ASB5: variants seen among roughly 807,000 people sequenced by gnomAD.
ASB5 encodes the protein ankyrin repeat and SOCS box protein 5.
In ASB5, 45 loss-of-function variants were observed where a neutral mutation model predicts 42.1. The ratio of observed to expected loss-of-function variants is 1.07; its 90% CI spans 0.84 to 1.37. ASB5 has a LOEUF of 1.37. Among genes scored for constraint, ASB5 ranks in the 40% most tolerant of loss-of-function variants. The probability of loss-of-function intolerance (pLI) is 0.00; values close to 1 mark genes in which losing one functional copy is unlikely to be tolerated. For synonymous variants in ASB5, 147 were observed against 150.6 expected (o/e 0.98, Z 0.18); for missense variants, 402 against 399.8 (o/e 1.01, Z -0.05).
chr4:176,216,772 G>C (rs1346107211), intron 6 of ASB5, 46 bp downstream of exon 6: 1 of 1,450,502 alleles, frequency 6.9e-7, no homozygotes. Flanking sequence ...TCTATTTTAG[G>C]CAAATATATT....
At chr4:176,275,596 G>T (rs910671008) in intron 2 of ASB5, among the ~76,000 whole-genome samples, 1 of 152,238 alleles carries the variant, frequency 6.6e-6, no homozygotes, top group East Asian at 1.9e-4. Context: ...AGCTCCCTAC[G>T]ATCCCATAGA....
chr4:176,221,259 G>T lies in ASB5; in HGVS notation c.566C>A (p.Ser189Tyr). 1.2e-6 allele frequency: 2 copies of T among 1,614,114 alleles called. No homozygotes were observed. Among genetic ancestry groups the T allele is most frequent in the Non-Finnish European group, 1.7e-6 (2 of 1,180,024 alleles). ...GHHECLDILI[S>Y]WGIDVDQEIP... ...TTCTTGGTCAACATCTATGCCCCAGGATATCAGGATGTCAAGACATTCATG... is the reference window on the plus strand; with the variant it reads ...TTCTTGGTCAACATCTATGCCCCAGTATATCAGGATGTCAAGACATTCATG... Residue 189 changes from serine (S) to tyrosine (Y), a missense_variant, in exon 5 of 7, where the codon TCC (serine) becomes TAC (tyrosine). Physicochemically the swap from Ser to Tyr is moderately radical, Grantham distance 144. Coordinates refer to ENST00000296525, the MANE Select transcript of ASB5 (RefSeq NM_080874.4).
chr4:176,269,369 C>T (rs1011643117), upstream of ASB5: 8 of 328,646 alleles, frequency 2.4e-5, no homozygotes, highest in East Asian at 4.9e-5. Flanking sequence ...GACACTCCAC[C>T]TCTGTGCTCC....
chr4:176,234,397 A>T (rs534055302), intron 1 of ASB5, among the ~76,000 whole-genome samples: 2 of 152,088 alleles, frequency 1.3e-5, no homozygotes, highest in Non-Finnish European at 2.9e-5. Context: ...GACCCACATC[A>T]CTTGTTCTCT....
At chr4:176,240,889 G>A (rs1430681003) in intron 1 of ASB5, among the ~76,000 whole-genome samples, 1 of 152,104 alleles carries the variant, frequency 6.6e-6, no homozygotes, top group Non-Finnish European at 1.5e-5. Flanking sequence ...AAGAACATCA[G>A]GATAAATATA....
intron 1 of ASB5, chr4:176,237,702 G>T: frequency 2.0e-6 from 1 of 501,412 alleles, no homozygotes; most frequent in Non-Finnish European, 2.6e-6. Context: ...AACTATTTGT[G>T]TGATATAGAA....
chr4:176,242,706 T>C (rs1753834902), intron 1 of ASB5, among the ~76,000 whole-genome samples: 1 of 152,224 alleles, frequency 6.6e-6, no homozygotes, highest in African/African-American at 2.4e-5. Context: ...CTTCCTGTCT[T>C]CATTTTTCAC....
intron 1 of ASB5, among the ~76,000 whole-genome samples, chr4:176,230,237 G>C (rs181130858): frequency 2.0e-5 from 3 of 152,268 alleles, no homozygotes; most frequent in Admixed American, 2.0e-4. Context: ...TTTAAGATGA[G>C]TTTTAGGGAA....
intron 1 of ASB5, among the ~76,000 whole-genome samples, chr4:176,258,586 T>A (rs1462327859): frequency 6.6e-6 from 1 of 152,158 alleles, no homozygotes; most frequent in Non-Finnish European, 1.5e-5. Flanking sequence ...TAAAATTCAG[T>A]CTCTAGTCAA....
At chr4:176,222,232 G>C in intron 3 of ASB5, 81 bp downstream of exon 3, 1 of 1,292,854 alleles carries the variant, frequency 7.7e-7, no homozygotes, top group Non-Finnish European at 1.1e-6. Flanking sequence ...GAGAATGAAG[G>C]AAAGAAAAGT....
intron 1 of ASB5, among the ~76,000 whole-genome samples, chr4:176,226,880 G>A (rs891758111): frequency 8.5e-5 from 13 of 152,316 alleles, no homozygotes; most frequent in Admixed American, 2.6e-4. Flanking sequence ...TGAGCCCCGC[G>A]TCTGAAGTGA....
chr4:176,219,335 AATATATATATTTGTATGATATATAAAT>A (rs1753106083), intron 5 of ASB5, among the ~76,000 whole-genome samples: 1 of 74,192 alleles, frequency 1.3e-5, no homozygotes, highest in Non-Finnish European at 2.4e-5. Flanking sequence ...ATGATATATA[AATATATATATTTGTATGATATATAAAT>A]ATATATATTT....
intron 1 of ASB5, among the ~76,000 whole-genome samples, chr4:176,236,043 C>T (rs77320409): frequency 8.0e-5 from 12 of 150,890 alleles, no homozygotes; most frequent in African/African-American, 2.9e-4. Flanking sequence ...TAAGGCATGT[C>T]GAAAAAAAAT....
chr4:176,216,687 T>C (rs898437704), intron 6 of ASB5, 131 bp downstream of exon 6: 15 of 795,726 alleles, frequency 1.9e-5, no homozygotes, highest in Admixed American at 1.3e-4. Flanking sequence ...TTAAAAATCA[T>C]CTACTTTCAC....
chr4:176,272,908 AG>A (rs1290269051), upstream of ASB5, among the ~76,000 whole-genome samples: 11 of 150,926 alleles, frequency 7.3e-5, no homozygotes, highest in African/African-American at 2.7e-4. Flanking sequence ...AAATCTTAAC[AG>A]GAGGGAAATA....
chr4:176,261,414 T>C (rs116679736), intron 1 of ASB5, among the ~76,000 whole-genome samples: 4,575 of 152,312 alleles, frequency 0.03, 219 homozygotes, highest in African/African-American at 0.1. Flanking sequence ...TTAACAGAAC[T>C]TCTGACTTTT....
At chr4:176,275,521 A>G (rs1487991476) in intron 2 of ASB5, among the ~76,000 whole-genome samples, 1 of 152,226 alleles carries the variant, frequency 6.6e-6, no homozygotes, top group Non-Finnish European at 1.5e-5. Flanking sequence ...CAATACTAGT[A>G]CATAGTTCAC....
intron 5 of ASB5, among the ~76,000 whole-genome samples, chr4:176,218,324 TATATATATTTGTATGATATATAA>T (rs1166657100): frequency 5.2e-5 from 4 of 76,764 alleles, no homozygotes; most frequent in South Asian, 3.1e-4. Context: ...ATTTGTATGA[TATATATATTTGTATGATATATAA>T]ATATATATTT....
At chr4:176,216,774 A>C in intron 6 of ASB5, 44 bp downstream of exon 6, 10 of 1,472,986 alleles carry the variant, frequency 6.8e-6, no homozygotes, top group Non-Finnish European at 8.2e-6. Context: ...TATTTTAGGC[A>C]AATATATTTT....
Sources: allele counts gnomAD v4.1 joint callset (sites outside exome capture counted in the v4.1 genomes callset), GRCh38; gene constraint gnomAD v4.1.1; transcripts MANE v1.5; gene names NCBI Gene and HGNC (gene_info 2026-07-23, HGNC 2026-07-21).